The following ANKRD28 variants were observed in gnomAD, a reference collection of about 807,000 sequenced individuals.
The protein encoded by ANKRD28 is ankyrin repeat domain 28, also known as serine/threonine-protein phosphatase 6 regulatory ankyrin repeat subunit A.
Under a neutral mutation model 126.5 loss-of-function variants are expected in ANKRD28, and 44 were observed. The ratio of observed to expected loss-of-function variants is 0.35; its 90% CI spans 0.27 to 0.45. The LOEUF is 0.45. Among genes scored for constraint, ANKRD28 ranks in the 20% least tolerant of loss-of-function variants. The probability of loss-of-function intolerance (pLI) is 1.00; values close to 1 mark genes in which losing one functional copy is unlikely to be tolerated. For missense variants in ANKRD28, 1,110 were observed against 1,316.6 expected (o/e 0.84, Z 2.43); for synonymous variants, 442 against 468.5 (o/e 0.94, Z 0.73).
chr3:15,848,760 G>A (rs1056171780), intron 1 of ANKRD28, among the ~76,000 whole-genome samples: 4 of 151,756 alleles, frequency 2.6e-5, no homozygotes, highest in African/African-American at 9.7e-5. Context: ...AACCATCTAT[G>A]AAAAACCAAC....
intron 1 of ANKRD28, among the ~76,000 whole-genome samples, chr3:15,810,059 C>T (rs750855021): frequency 1.3e-5 from 2 of 151,852 alleles, no homozygotes; most frequent in Non-Finnish European, 2.9e-5. Flanking sequence ...TGAATGACAC[C>T]GAGTAAATAC....
At chr3:15,723,644 G>C (rs1383054000) in intron 7 of ANKRD28, among the ~76,000 whole-genome samples, 1 of 152,012 alleles carries the variant, frequency 6.6e-6, no homozygotes, top group Non-Finnish European at 1.5e-5. Flanking sequence ...AAAAAAATTA[G>C]CCTGTAGTTC....
intron 1 of ANKRD28, among the ~76,000 whole-genome samples, chr3:15,813,011 C>A (rs2060749350): frequency 6.6e-6 from 1 of 151,152 alleles, no homozygotes; most frequent in African/African-American, 2.4e-5. Context: ...TGAATAAAAT[C>A]TGCAGTTTCC....
At chr3:15,682,248 C>T (rs2067624819) in intron 21 of ANKRD28, among the ~76,000 whole-genome samples, 1 of 151,976 alleles carries the variant, frequency 6.6e-6, no homozygotes, top group Admixed American at 6.6e-5. Flanking sequence ...TTAAATAAAT[C>T]AGTAAGTATT....
chr3:15,699,032 G>A (rs947994233), intron 14 of ANKRD28, among the ~76,000 whole-genome samples: 2 of 152,044 alleles, frequency 1.3e-5, no homozygotes, highest in Non-Finnish European at 2.9e-5. Context: ...GGTACTGGTA[G>A]CAAAAGAGGT....
chr3:15,748,370 C>T (rs1015315663), intron 4 of ANKRD28, among the ~76,000 whole-genome samples: 10 of 152,070 alleles, frequency 6.6e-5, no homozygotes, highest in African/African-American at 2.4e-4. Context: ...TTTAGCAGTT[C>T]TTGTAGCGCT....
At chr3:15,750,228 T>G (rs1228592140) in intron 4 of ANKRD28, among the ~76,000 whole-genome samples, 1 of 152,204 alleles carries the variant, frequency 6.6e-6, no homozygotes, top group Non-Finnish European at 1.5e-5. Context: ...ATCCCAAGAA[T>G]CTTAAAACAA....
At position 15,836,932 on chromosome 3, in the gene ANKRD28, C is replaced by CTACTAAAAA. The variant is rs2061337907; in HGVS notation, c.27+22436_27+22444dup. ...TGGCTAACACGGTGAAACCCAGGCT[C>CTACTAAAAA]TACTAAAAATACAAAAAATTAGCCG... On this transcript the variant is annotated intron_variant, in intron 1 of 27. Transcript: ENST00000399451. Among the ~76,000 whole-genome samples, 3 of 151,974 alleles carry CTACTAAAAA rather than the reference C, an allele frequency of 2.0e-5. No homozygotes were observed. In the South Asian group the frequency reaches 6.2e-4, roughly 32 times the overall value.
chr3:15,738,373 A>G (rs1013633172), intron 4 of ANKRD28: 1 of 152,224 alleles, frequency 6.6e-6, no homozygotes, highest in African/African-American at 2.4e-5. Context: ...TATGAGTCAC[A>G]GAGATCACAT....
intron 2 of ANKRD28, among the ~76,000 whole-genome samples, chr3:15,783,031 GTTTT>G (rs922073310): frequency 6.6e-6 from 1 of 150,852 alleles, no homozygotes; most frequent in Admixed American, 6.6e-5. Context: ...CAATGGGACA[GTTTT>G]TTTTTAAGAT....
chr3:15,733,913 C>T (rs763763761), intron 6 of ANKRD28, among the ~76,000 whole-genome samples: 3 of 152,114 alleles, frequency 2.0e-5, no homozygotes, highest in Non-Finnish European at 2.9e-5. Context: ...GTATCTATAA[C>T]TGGTTTGAAA....
rs1236023640 is a variant in ANKRD28, at chr3:15,853,506, G to A, written c.27+5871C>T. ...TGTTTTTGAGATGGAGTCTCATTCT[G>A]TCGCCCAGGCTGGAGTGCAGTAGTA... On this transcript the variant is annotated intron_variant, in intron 1 of 27. Transcript: ENST00000399451. The surrounding 1 kb of genome is among the most constrained non-coding windows in gnomAD (Gnocchi z 4.2). Among the ~76,000 whole-genome samples the A allele has an allele frequency of 1.3e-5, 2 of 151,922 alleles. No individual in the cohort carries two copies. The highest frequency in any genetic ancestry group is 2.4e-5 in the African/African-American group (1 of 41,324).
intron 8 of ANKRD28, among the ~76,000 whole-genome samples, chr3:15,717,947 A>C (rs1237719917): frequency 1.3e-5 from 2 of 152,236 alleles, no homozygotes; most frequent in Non-Finnish European, 2.9e-5. Context: ...AAAATGGAGA[A>C]TGTAGTAGGA....
At chr3:15,809,511 A>G (rs1264199818) in intron 1 of ANKRD28, among the ~76,000 whole-genome samples, 2 of 152,152 alleles carry the variant, frequency 1.3e-5, no homozygotes, top group African/African-American at 4.8e-5. Flanking sequence ...TCAGGACTTC[A>G]CTTTCCTGCC....
At chr3:15,687,910 C>G (rs2068328088) in intron 18 of ANKRD28, among the ~76,000 whole-genome samples, 1 of 152,174 alleles carries the variant, frequency 6.6e-6, no homozygotes, top group Non-Finnish European at 1.5e-5. Flanking sequence ...CACAGCATCT[C>G]TGTGGGAAAT....
intron 3 of ANKRD28, among the ~76,000 whole-genome samples, chr3:15,758,147 A>G (rs376708668): frequency 5.3e-5 from 8 of 152,200 alleles, no homozygotes; most frequent in Admixed American, 1.3e-4. Flanking sequence ...CAAAACTTCT[A>G]TTTGCAGAGA....
chr3:15,775,604 G>C (rs1161918663), intron 2 of ANKRD28, among the ~76,000 whole-genome samples: 1 of 152,162 alleles, frequency 6.6e-6, no homozygotes, highest in East Asian at 1.9e-4. Context: ...TGATTAGTTT[G>C]CTAGAGGAGC....
chr3:15,670,929 C>A (rs1352396014), intron 27 of ANKRD28, among the ~76,000 whole-genome samples: 1 of 152,088 alleles, frequency 6.6e-6, no homozygotes, highest in Non-Finnish European at 1.5e-5. Flanking sequence ...TGTTAATTTG[C>A]AGTTATATCA....
At chr3:15,823,977 C>T (rs1451220938) in intron 1 of ANKRD28, among the ~76,000 whole-genome samples, 1 of 152,132 alleles carries the variant, frequency 6.6e-6, no homozygotes, top group African/African-American at 2.4e-5. Flanking sequence ...AAACTCAATG[C>T]TTTCTTTCAA....
Sources: gnomAD v4.1 joint callset for allele counts (sites outside exome capture counted in the v4.1 genomes callset) on GRCh38, gnomAD v4.1.1 for gene constraint, Gnocchi (gnomAD v3.1) non-coding constraint, MANE v1.5 for transcripts, NCBI Gene and HGNC (gene_info 2026-07-23, HGNC 2026-07-21) for gene names.